Variants in SLC8A3 observed in about 807,000 individuals in gnomAD.
SLC8A3 encodes sodium/calcium exchanger 3.
A neutral mutation model predicts 65.4 loss-of-function variants in SLC8A3; 37 were observed. The observed-to-expected ratio is 0.57, with a 90% CI of 0.44 to 0.74. SLC8A3 has a LOEUF of 0.74. Among genes scored for constraint, SLC8A3 ranks in the 30% least tolerant of loss-of-function variants. SLC8A3 has a pLI of 0.00. For synonymous variants in SLC8A3, 461 were observed against 444.5 expected (o/e 1.04, Z -0.47); for missense variants, 1,112 against 1,172.1 (o/e 0.95, Z 0.75).
At chr14:70,134,945 T>G (rs1485301581) in intron 2 of SLC8A3, among the ~76,000 whole-genome samples, 2 of 152,202 alleles carry the variant, frequency 1.3e-5, no homozygotes, top group Non-Finnish European at 2.9e-5. Flanking sequence ...ATAATTTCAT[T>G]CTGAAAAAGG....
intron 1 of SLC8A3, among the ~76,000 whole-genome samples, chr14:70,187,599 CTGTGTGTGTGTGTGTGTGTGTGTG>C (rs3053393): frequency 1.7e-5 from 2 of 118,206 alleles, no homozygotes. Flanking sequence ...AGGGCTTTGA[CTGTGTGTGTGTGTGTGTGTGTGTG>C]TGTGTGTGTG....
At chr14:70,127,881 C>T (rs1238564181) in intron 2 of SLC8A3, among the ~76,000 whole-genome samples, 1 of 152,122 alleles carries the variant, frequency 6.6e-6, no homozygotes, top group African/African-American at 2.4e-5. Flanking sequence ...GTAAGCTCAT[C>T]TATGCCCTTA....
intron 1 of SLC8A3, among the ~76,000 whole-genome samples, chr14:70,183,946 A>G (rs958534142): frequency 7.9e-5 from 12 of 152,144 alleles, no homozygotes; most frequent in Middle Eastern, 3.2e-3. Flanking sequence ...CATCCTATAA[A>G]GCCCCCAGCA....
intron 2 of SLC8A3, among the ~76,000 whole-genome samples, chr14:70,064,302 A>G (rs1021693697): frequency 6.6e-6 from 1 of 152,222 alleles, no homozygotes; most frequent in African/African-American, 2.4e-5. Context: ...AGAGCAATGA[A>G]ATAACATACA....
chr14:70,104,344 T>C (rs971375789), intron 2 of SLC8A3, among the ~76,000 whole-genome samples: 1 of 152,136 alleles, frequency 6.6e-6, no homozygotes, highest in African/African-American at 2.4e-5. Context: ...GCACAAGGAA[T>C]GTTCACCAAG....
chr14:70,070,366 T>C (rs2139907716), intron 2 of SLC8A3, among the ~76,000 whole-genome samples: 1 of 152,296 alleles, frequency 6.6e-6, no homozygotes, highest in Non-Finnish European at 1.5e-5. Flanking sequence ...ACCTATGAGG[T>C]AGGTGCTATT....
intron 3 of SLC8A3, 195 bp downstream of exon 3, chr14:70,060,641 C>G (rs779434914): frequency 6.9e-6 from 5 of 723,592 alleles, no homozygotes; most frequent in Non-Finnish European, 1.3e-5. Flanking sequence ...GAGATGATAC[C>G]GAAACAGGGT....
intron 1 of SLC8A3, among the ~76,000 whole-genome samples, chr14:70,184,492 A>T (rs1883017758): frequency 6.6e-6 from 1 of 152,076 alleles, no homozygotes. Flanking sequence ...CCCTTCACTC[A>T]TAACACTTTC....
At chr14:70,137,987 A>G (rs534959105) in intron 2 of SLC8A3, among the ~76,000 whole-genome samples, 11 of 152,194 alleles carry the variant, frequency 7.2e-5, no homozygotes, top group South Asian at 4.2e-4. Context: ...ACTCCGCTCA[A>G]TCTCCTCCAT....
chr14:70,106,509 AT>A (rs1363612557), intron 2 of SLC8A3, among the ~76,000 whole-genome samples: 1 of 152,146 alleles, frequency 6.6e-6, no homozygotes, highest in East Asian at 1.9e-4. Context: ...TTCACACTTA[AT>A]TAACTCTGTT....
Position 70,060,937 on chromosome 14 carries a change from T to G in SLC8A3, c.1787A>C (p.Lys596Thr). 7.1e-7 allele frequency: 1 copy of G among 1,406,240 alleles called. No individual in the cohort carries two copies. Among genetic ancestry groups the G allele is most frequent in the Non-Finnish European group, 9.7e-7 (1 of 1,033,986 alleles). The allele number at this position is 1,406,240 out of a possible 1,614,324, so 87.1% of individuals were successfully genotyped here. ...ATCTACTATTTTAACCCTTATGGTT[T>G]TCCTGTAGGGACAACAAGAGAGAGA... ...ELEFKNDETV[K>T]TIRVKIVDEE... Residue 596 changes from lysine to threonine, a missense_variant and splice_region_variant, in exon 3 of 7, where the codon AAA (lysine) becomes ACA (threonine). Transcript: ENST00000356921.
At chr14:70,092,651 T>G (rs1341630994) in intron 2 of SLC8A3, among the ~76,000 whole-genome samples, 2 of 152,186 alleles carry the variant, frequency 1.3e-5, no homozygotes, top group Non-Finnish European at 2.9e-5. Context: ...TCTCTGACAG[T>G]CCATTTCCAA....
intron 2 of SLC8A3, among the ~76,000 whole-genome samples, chr14:70,089,702 A>G (rs1214643628): frequency 6.6e-6 from 1 of 151,870 alleles, no homozygotes; most frequent in Non-Finnish European, 1.5e-5. Context: ...TTTAATACAT[A>G]TTGTGTGGCT....
chr14:70,063,917 G>A (rs371601968), intron 2 of SLC8A3: 2 of 1,601,110 alleles, frequency 1.2e-6, no homozygotes, highest in Non-Finnish European at 1.7e-6. Flanking sequence ...TTACCTTGAT[G>A]TGAATTGTTT....
chr14:70,112,260 C>G (rs1893358944), intron 2 of SLC8A3, among the ~76,000 whole-genome samples: 1 of 152,140 alleles, frequency 6.6e-6, no homozygotes, highest in Non-Finnish European at 1.5e-5. Flanking sequence ...TACATGCCTT[C>G]CCTCAGACAC....
intron 4 of SLC8A3, 26 bp downstream of exon 4, chr14:70,051,964 C>A: frequency 6.3e-7 from 1 of 1,599,704 alleles, no homozygotes; most frequent in Non-Finnish European, 8.6e-7. Flanking sequence ...ATTTATTATT[C>A]AATTAGACCT....
chr14:70,175,149 A>G (rs79202715), intron 1 of SLC8A3, among the ~76,000 whole-genome samples: 1,580 of 152,330 alleles, frequency 0.01, 22 homozygotes, highest in African/African-American at 0.036. Context: ...GGGCATCAGC[A>G]GGCCTCCGTC....
chr14:70,166,681 T>G lies in SLC8A3; in HGVS notation c.1742A>C (p.Glu581Ala), dbSNP rs1469736282. 1 of 1,612,074 alleles carries G rather than the reference T, an allele frequency of 6.2e-7. No homozygotes were observed. The highest frequency in any genetic ancestry group is 1.7e-5 in the Admixed American group (1 of 59,786). The stretch of plus-strand genomic sequence containing the variant: ...GAATTCCAACTCCCCATATGTGTCT[T>G]CAAAGTCCTCACCGCCACCCTTGGC... ...GTAKGGGEDF[E>A]DTYGELEFKN... The change falls in exon 2 of 7, where the codon GAA becomes GCA. Residue 581 changes from glutamate to alanine, a missense_variant. Coordinates refer to ENST00000356921, the MANE Select transcript of SLC8A3 (RefSeq NM_182932.3).
chr14:70,103,816 A>G (rs1318106230), intron 2 of SLC8A3, among the ~76,000 whole-genome samples: 1 of 152,092 alleles, frequency 6.6e-6, no homozygotes, highest in Non-Finnish European at 1.5e-5. Flanking sequence ...AGCATATTAT[A>G]TGGAAAGGCA....
Sources: gnomAD v4.1 joint callset for allele counts (sites outside exome capture counted in the v4.1 genomes callset) on GRCh38, gnomAD v4.1.1 for gene constraint, MANE v1.5 for transcripts, NCBI Gene and HGNC (gene_info 2026-07-23, HGNC 2026-07-21) for gene names.